SEMA3A: variants seen among roughly 807,000 people sequenced by gnomAD.
The protein encoded by SEMA3A is semaphorin 3A.
SEMA3A carries 29 observed loss-of-function variants against 97.9 expected under a neutral mutation model. The observed-to-expected ratio is 0.30, with a 90% CI of 0.22 to 0.40. SEMA3A has a LOEUF of 0.40. Ranked by LOEUF, SEMA3A falls within the 10% of genes least tolerant of loss-of-function variation. SEMA3A has a pLI of 1.00. For synonymous variants in SEMA3A, 321 were observed against 323.7 expected, an observed-to-expected ratio of 0.99 and a Z score of 0.09; for missense variants, 763 against 951.3, an observed-to-expected ratio of 0.80 and a Z score of 2.60.
chr7:84,150,790 C>T (rs1796629675), intron 1 of SEMA3A, among the ~76,000 whole-genome samples: 1 of 152,192 alleles, frequency 6.6e-6, no homozygotes, highest in Non-Finnish European at 1.5e-5. Context: ...GGGGGCAGGG[C>T]ACAGACAAAC....
chr7:84,079,231 C>G (rs995256411), intron 4 of SEMA3A, among the ~76,000 whole-genome samples: 1 of 151,856 alleles, frequency 6.6e-6, no homozygotes, highest in African/African-American at 2.4e-5. Flanking sequence ...AAACATTCGA[C>G]CTAAAACCAT....
rs1211794166 is a variant in SEMA3A at position 84,095,358 on chromosome 7, C to CACATATATATATATATATATATATATAT, written c.453+15111_453+15112insATATATATATATATATATATATATATGT. On this transcript the variant is annotated intron_variant, in intron 4 of 16. Coordinates refer to ENST00000265362, the MANE Select transcript of SEMA3A (RefSeq NM_006080.3). ...ATATATATTTTATATTTTTTATATA[C>CACATATATATATATATATATATATATAT]ATATATATATATATATATATATATA... Among the ~76,000 whole-genome samples, 66 of 122,872 alleles carry CACATATATATATATATATATATATATAT rather than the reference C, an allele frequency of 5.4e-4. 1 individual carries two copies. The highest frequency in any genetic ancestry group is 7.5e-4 in the Non-Finnish European group (46 of 61,360). 80.6% of individuals were successfully genotyped at this position (122,872 alleles called of 152,430 possible).
intron 3 of SEMA3A, among the ~76,000 whole-genome samples, chr7:84,301,921 T>C (rs1199132179): frequency 2.6e-5 from 4 of 152,102 alleles, no homozygotes; most frequent in Non-Finnish European, 5.9e-5. Context: ...GATTTTCCAA[T>C]CCACGTCTTT....
intron 12 of SEMA3A, among the ~76,000 whole-genome samples, chr7:83,993,576 G>A (rs1051959540): frequency 2.0e-5 from 3 of 148,970 alleles, no homozygotes; most frequent in African/African-American, 7.6e-5. Context: ...CGCTTATGAA[G>A]CTTACTTTGG....
At chr7:84,145,178 T>C (rs1796426867) in intron 1 of SEMA3A, among the ~76,000 whole-genome samples, 1 of 152,164 alleles carries the variant, frequency 6.6e-6, no homozygotes, top group Non-Finnish European at 1.5e-5. Context: ...CAAGTCAGCC[T>C]TCTCCTGTGA....
Position 83,981,306 on chromosome 7 carries a change from G to T in SEMA3A, c.1652+15C>A, listed in dbSNP as rs753603368. On this transcript the variant is annotated intron_variant, in intron 14 of 16. Transcript: ENST00000265362. ...AACTAGCAAACATTTCATTTATTTTGAATATTTTTCCTACCTCTTTGCAGT... is the reference window on the plus strand; with the variant it reads ...AACTAGCAAACATTTCATTTATTTTTAATATTTTTCCTACCTCTTTGCAGT... The T allele has an allele frequency of 3.7e-6, 6 of 1,611,590 alleles. No homozygotes were observed. Among genetic ancestry groups the T allele is most frequent in the South Asian group, 2.2e-5 (2 of 90,796 alleles).
Position 84,457,122 on chromosome 7 carries a change from T to TA in SEMA3A, c.-246+35337dup, listed in dbSNP as rs796715715. On this transcript the variant is annotated intron_variant, in intron 1 of 3. Transcript: ENST00000424555. ...TTCCCAATGACATAACTGGTACCAT[T>TA]AAAAAAAAATCTGGTAAGATTGTTG... 3.3e-3 allele frequency among the ~76,000 whole-genome samples: 491 copies of TA among 150,772 alleles called. 3 individuals are homozygous for TA. Among genetic ancestry groups the TA allele is most frequent in the African/African-American group, 0.011 (437 of 41,262 alleles).
chr7:84,303,180 T>G lies in SEMA3A; in HGVS notation c.-83+4027A>C, dbSNP rs527545696. Reference sequence around the variant, plus strand: ...TTAGGCATGTATGCCAGATTCTCTTTCGGGGCAAAACCAAGCCTCTAAGCA... The same window carrying G: ...TTAGGCATGTATGCCAGATTCTCTTGCGGGGCAAAACCAAGCCTCTAAGCA... On this transcript the variant is annotated intron_variant, in intron 3 of 3. Coordinates refer to the SEMA3A transcript ENST00000424555. Among the ~76,000 whole-genome samples the G allele has an allele frequency of 3.3e-5, 5 of 152,170 alleles. 1 individual carries two copies. The highest frequency in any genetic ancestry group is 1.2e-4 in the African/African-American group (5 of 41,514).
chr7:84,344,444 T>C (rs965007892), intron 2 of SEMA3A, among the ~76,000 whole-genome samples: 24 of 152,198 alleles, frequency 1.6e-4, no homozygotes, highest in African/African-American at 5.1e-4. Flanking sequence ...CAGAGTGCAG[T>C]GCAGAGAAGG....
intron 1 of SEMA3A, among the ~76,000 whole-genome samples, chr7:84,485,657 G>C (rs770770549): frequency 6.6e-6 from 1 of 152,108 alleles, no homozygotes; most frequent in African/African-American, 2.4e-5. Context: ...CTGCAATTGT[G>C]ATTTACTGCT....
At chr7:84,156,938 G>A (rs1796862873) in intron 1 of SEMA3A, among the ~76,000 whole-genome samples, 1 of 152,012 alleles carries the variant, frequency 6.6e-6, no homozygotes, top group Non-Finnish European at 1.5e-5. Context: ...TCATGGCCAT[G>A]CTTGAAATGT....
intron 3 of SEMA3A, among the ~76,000 whole-genome samples, chr7:84,249,220 C>T (rs1185169498): frequency 1.3e-5 from 2 of 152,056 alleles, no homozygotes; most frequent in Non-Finnish European, 2.9e-5. Context: ...CGCCCCTCTA[C>T]TTGTATTTAC....
At position 84,099,635 on chromosome 7, in the gene SEMA3A, A is replaced by G. The variant is rs189337891; in HGVS notation, c.453+10835T>C. Among the ~76,000 whole-genome samples the G allele has an allele frequency of 4.0e-4, 61 of 152,288 alleles. 1 individual carries two copies. The East Asian group carries it at 8.9e-3, about 22-fold the overall frequency. On this transcript the variant is annotated intron_variant, in intron 4 of 16. Coordinates refer to ENST00000265362, the MANE Select transcript of SEMA3A (RefSeq NM_006080.3). Reference sequence around the variant, plus strand: ...TATAAAACAAGTTTGACTAATTCACAAAAGAATCATAAACGCTTTTTTTAA... The same window carrying G: ...TATAAAACAAGTTTGACTAATTCACGAAAGAATCATAAACGCTTTTTTTAA...
intron 1 of SEMA3A, among the ~76,000 whole-genome samples, chr7:84,374,486 G>A (rs960098820): frequency 1.3e-5 from 2 of 152,082 alleles, no homozygotes; most frequent in Non-Finnish European, 2.9e-5. Flanking sequence ...ATGTGCATAC[G>A]CAAGTACAAT....
chr7:84,460,864 C>T (rs1207370656), intron 1 of SEMA3A, among the ~76,000 whole-genome samples: 4 of 152,286 alleles, frequency 2.6e-5, no homozygotes, highest in Non-Finnish European at 5.9e-5. Flanking sequence ...TTGTGACTAC[C>T]TGCAACTGGC....
At chr7:83,965,660 A>C (rs1458273056) in intron 15 of SEMA3A, among the ~76,000 whole-genome samples, 1 of 9,848 alleles carries the variant, frequency 1.0e-4, no homozygotes, top group Non-Finnish European at 1.9e-4. Context: ...ATATATATAT[A>C]TATATATTTT....
intron 10 of SEMA3A, 39 bp downstream of exon 10, chr7:84,007,314 A>G: frequency 6.6e-7 from 1 of 1,518,472 alleles, no homozygotes; most frequent in Non-Finnish European, 8.9e-7. Flanking sequence ...TTTGGCAGAA[A>G]TATATTCATT....
chr7:84,038,138 CAG>C (rs1792008758), intron 6 of SEMA3A, among the ~76,000 whole-genome samples: 1 of 152,042 alleles, frequency 6.6e-6, no homozygotes, highest in Admixed American at 6.6e-5. Context: ...TTTATGGAAG[CAG>C]AGTCGATTTA....
rs1056198853 is a variant in SEMA3A at position 84,007,419 on chromosome 7, G to A, written c.1074C>T (p.His358=). 61 of 1,608,542 alleles carry A rather than the reference G, an allele frequency of 3.8e-5. No individual in the cohort carries two copies. Among genetic ancestry groups the A allele is most frequent in the Non-Finnish European group, 4.9e-5 (58 of 1,177,310 alleles). The change falls in exon 10 of 17, where the codon CAC becomes CAT. Residue 358 remains histidine (H), a synonymous_variant. Coordinates refer to ENST00000265362, the MANE Select transcript of SEMA3A (RefSeq NM_006080.3). ...VRRVFLGPYA[H]RDGPNYQWVP... Reference sequence around the variant, plus strand: ...CCCATTGATAGTTGGGTCCATCCCTGTGGGCATATGGACCAAGGAACACCC... The same window carrying A: ...CCCATTGATAGTTGGGTCCATCCCTATGGGCATATGGACCAAGGAACACCC...
Sources: allele counts gnomAD v4.1 joint callset (sites outside exome capture counted in the v4.1 genomes callset), GRCh38; gene constraint gnomAD v4.1.1; transcripts MANE v1.5; gene names NCBI Gene and HGNC (gene_info 2026-07-23, HGNC 2026-07-21).